LOC128125822: variants seen among roughly 807,000 people sequenced by gnomAD.
the LOC128125822 span, chr6:63,573,504 G>A: frequency 6.6e-6 from 1 of 152,322 alleles, no homozygotes; most frequent in Middle Eastern, 3.4e-3. Context: ...GCGCGGAGAG[G>A]GGGCGCAGCG....
the LOC128125822 span, chr6:63,580,241 C>G: frequency 2.4e-6 from 3 of 1,260,798 alleles, no homozygotes; most frequent in Non-Finnish European, 3.5e-6. Flanking sequence ...TACATATTAG[C>G]CAACATGTTG....
At chr6:63,579,960 A>G in the LOC128125822 span, 2 of 834,238 alleles carry the variant, frequency 2.4e-6, no homozygotes, top group Non-Finnish European at 3.9e-6. Context: ...ATCAAAAGAT[A>G]AATTGCCACA....
At chr6:63,573,677 C>G in the LOC128125822 span, 1 of 152,322 alleles carries the variant, frequency 6.6e-6, no homozygotes, top group Non-Finnish European at 1.5e-5. Flanking sequence ...CGAGCTGTTC[C>G]GGATTTATCG....
chr6:63,575,201 T>G, the LOC128125822 span, among the ~76,000 whole-genome samples: 3 of 152,222 alleles, frequency 2.0e-5, no homozygotes, highest in Admixed American at 1.3e-4. Context: ...AGACTTCAAA[T>G]GCTTAAATTT....
chr6:63,572,974 C>G, the LOC128125822 span, among the ~76,000 whole-genome samples: 1 of 152,134 alleles, frequency 6.6e-6, no homozygotes, highest in East Asian at 1.9e-4. Flanking sequence ...CTTTTGAGTC[C>G]CTCCCGAGCC....
At chr6:63,581,376 T>C in the LOC128125822 span, 1 of 152,564 alleles carries the variant, frequency 6.6e-6, no homozygotes, top group South Asian at 2.1e-4. Context: ...GAGAAATAAT[T>C]TTGTCAGTGT....
chr6:63,573,900 T>C, the LOC128125822 span, among the ~76,000 whole-genome samples: 3 of 152,128 alleles, frequency 2.0e-5, no homozygotes, highest in Non-Finnish European at 4.4e-5. Flanking sequence ...TCGGGGACTG[T>C]TTAGAACTAT....
the LOC128125822 span, chr6:63,580,674 A>G: frequency 6.6e-6 from 1 of 152,516 alleles, no homozygotes; most frequent in Non-Finnish European, 1.5e-5. Flanking sequence ...TGCTCACTTT[A>G]TGTTTACATC....
the LOC128125822 span, among the ~76,000 whole-genome samples, chr6:63,579,682 C>G: frequency 6.6e-6 from 1 of 152,178 alleles, no homozygotes; most frequent in Non-Finnish European, 1.5e-5. Flanking sequence ...AATTAACCAT[C>G]CAATACAACA....
At chr6:63,578,758 T>G in the LOC128125822 span, 3 of 1,121,396 alleles carry the variant, frequency 2.7e-6, no homozygotes, top group Non-Finnish European at 2.4e-6. Flanking sequence ...TCACATTTGG[T>G]AGACAACAGG....
chr6:63,580,047 TTC>T, the LOC128125822 span: 1 of 1,585,534 alleles, frequency 6.3e-7, no homozygotes, highest in Non-Finnish European at 8.6e-7. Flanking sequence ...TTTTTTTTTT[TTC>T]CTCCCAGAAA....
the LOC128125822 span, chr6:63,582,360 A>C: frequency 6.5e-6 from 1 of 152,768 alleles, no homozygotes; most frequent in East Asian, 1.9e-4. Flanking sequence ...TTTGAAAAGA[A>C]ATTAATTTGC....
the LOC128125822 span, chr6:63,580,157 A>G: frequency 6.2e-7 from 1 of 1,611,502 alleles, no homozygotes; most frequent in Non-Finnish European, 8.5e-7. Context: ...TCATAGAAAC[A>G]ACTGTTGCAT....
the LOC128125822 span, among the ~76,000 whole-genome samples, chr6:63,575,855 A>AC: frequency 6.6e-6 from 1 of 152,102 alleles, no homozygotes; most frequent in Non-Finnish European, 1.5e-5. Context: ...TAAATATAGG[A>AC]CTTAAATCAG....
At chr6:63,578,405 A>G in the LOC128125822 span, 2 of 1,593,648 alleles carry the variant, frequency 1.3e-6, no homozygotes, top group East Asian at 2.3e-5. Context: ...GTGGTTAAAC[A>G]TTAAGATTTT....
chr6:63,575,791 T>C, the LOC128125822 span, among the ~76,000 whole-genome samples: 1 of 152,146 alleles, frequency 6.6e-6, no homozygotes, highest in Admixed American at 6.6e-5. Context: ...CTCATTTTCC[T>C]CGTCTTCAGT....
At chr6:63,580,219 C>A in the LOC128125822 span, 1 of 1,428,958 alleles carries the variant, frequency 7.0e-7, no homozygotes, top group Non-Finnish European at 9.9e-7. Flanking sequence ...TGAGATAGGG[C>A]CTAATTTGTT....
At chr6:63,580,040 T>C in the LOC128125822 span, 3 of 1,574,124 alleles carry the variant, frequency 1.9e-6, no homozygotes, top group South Asian at 3.4e-5. Flanking sequence ...TTCATTTTTT[T>C]TTTTTTTTCC....
chr6:63,572,784 G>C, the LOC128125822 span: 1 of 398,248 alleles, frequency 2.5e-6, no homozygotes, highest in Non-Finnish European at 4.4e-6. Flanking sequence ...CATCCCCGCT[G>C]TCGCCTTTGT....
Sources: gnomAD v4.1 joint callset for allele counts (sites outside exome capture counted in the v4.1 genomes callset) on GRCh38, gnomAD v4.1.1 for gene constraint, MANE v1.5 for transcripts.